The following CPEB3 variants were observed in gnomAD, a reference collection of about 807,000 sequenced individuals.
CPEB3 encodes the protein cytoplasmic polyadenylation element-binding protein 3.
Under a neutral mutation model 67.2 loss-of-function variants are expected in CPEB3, and 20 were observed. The ratio of observed to expected loss-of-function variants is 0.30; its 90% CI spans 0.21 to 0.43. The LOEUF (loss-of-function observed/expected upper bound fraction) is 0.43. CPEB3 is among the 20% of genes least tolerant of loss of function. The pLI, the probability that CPEB3 is intolerant of heterozygous loss-of-function variation, is 1.00. For synonymous variants in CPEB3, 376 were observed against 393.1 expected (o/e 0.96, Z 0.51); for missense variants, 746 against 968.6 (o/e 0.77, Z 3.05).
At chr10:92,264,774 G>C (rs990986841) in intron 1 of CPEB3, among the ~76,000 whole-genome samples, 1 of 151,704 alleles carries the variant, frequency 6.6e-6, no homozygotes, top group East Asian at 1.9e-4. Flanking sequence ...CTGGATGGCC[G>C]GGCACAATGT....
intron 2 of CPEB3, among the ~76,000 whole-genome samples, chr10:92,232,734 G>A (rs1008150551): frequency 4.0e-5 from 6 of 150,290 alleles, no homozygotes; most frequent in African/African-American, 1.2e-4. Context: ...TTCCAGCCTG[G>A]GTGACAGTGG....
chr10:92,071,400 G>A (rs985214630), intron 9 of CPEB3, among the ~76,000 whole-genome samples: 1 of 152,060 alleles, frequency 6.6e-6, no homozygotes, highest in Non-Finnish European at 1.5e-5. Flanking sequence ...GTTTTTGCTA[G>A]GCTAAGGGAT....
At position 92,127,715 on chromosome 10, in the gene CPEB3, C is replaced by A. The variant is rs1199911329; in HGVS notation, c.1453+15314G>T. On this transcript the variant is annotated intron_variant, in intron 6 of 9. Coordinates refer to ENST00000265997, the MANE Select transcript of CPEB3 (RefSeq NM_014912.5). ...ACAAAAAAGAAATGGGGGAAGAGGGCTTCAGAAAAAAGGAAGTACTAAGGC... is the reference window on the plus strand; with the variant it reads ...ACAAAAAAGAAATGGGGGAAGAGGGATTCAGAAAAAAGGAAGTACTAAGGC... Among the ~76,000 whole-genome samples, 6 of 152,136 alleles carry A rather than the reference C, an allele frequency of 3.9e-5. No homozygotes were observed. In the East Asian group the frequency reaches 1.2e-3, roughly 29 times the overall value.
intron 8 of CPEB3, among the ~76,000 whole-genome samples, chr10:92,090,141 C>T (rs1434653449): frequency 2.6e-5 from 4 of 152,076 alleles, no homozygotes; most frequent in Non-Finnish European, 5.9e-5. Context: ...CTTAGATAGA[C>T]ATAAGAAGTT....
intron 1 of CPEB3, among the ~76,000 whole-genome samples, chr10:92,244,981 TG>T (rs1307674016): frequency 1.3e-5 from 2 of 152,216 alleles, no homozygotes; most frequent in African/African-American, 4.8e-5. Flanking sequence ...AACTTGTAAC[TG>T]AAAATGTCAT....
intron 1 of CPEB3, among the ~76,000 whole-genome samples, chr10:92,248,914 T>C (rs1852178350): frequency 6.6e-6 from 1 of 152,176 alleles, no homozygotes; most frequent in African/African-American, 2.4e-5. Flanking sequence ...ATTAACAATA[T>C]TCCAGTCAAA....
chr10:92,197,758 T>C (rs1341140825), intron 2 of CPEB3, among the ~76,000 whole-genome samples: 1 of 152,232 alleles, frequency 6.6e-6, no homozygotes, highest in Non-Finnish European at 1.5e-5. Flanking sequence ...GTTCTAAGTA[T>C]GCTATATGCA....
At chr10:92,055,749 A>C (rs1352026476) in intron 9 of CPEB3, among the ~76,000 whole-genome samples, 1 of 152,192 alleles carries the variant, frequency 6.6e-6, no homozygotes, top group East Asian at 1.9e-4. Flanking sequence ...TATGGTGAAA[A>C]AAAAATTAGG....
intron 9 of CPEB3, among the ~76,000 whole-genome samples, chr10:92,074,399 C>T (rs1173849841): frequency 6.6e-6 from 1 of 152,220 alleles, no homozygotes; most frequent in Non-Finnish European, 1.5e-5. Flanking sequence ...TTTGTATCAT[C>T]TAACAGAGTA....
intron 3 of CPEB3, 40 bp from the exon 4 acceptor site, chr10:92,181,059 T>C (rs748177894): frequency 8.4e-6 from 9 of 1,066,558 alleles, no homozygotes; most frequent in African/African-American, 1.6e-5. Context: ...GAATGTTTAA[T>C]GTAATCATTT....
At chr10:92,260,212 T>C (rs948288488) in intron 1 of CPEB3, among the ~76,000 whole-genome samples, 1 of 152,168 alleles carries the variant, frequency 6.6e-6, no homozygotes, top group African/African-American at 2.4e-5. Context: ...TAATTCTGAA[T>C]ATCATTGATG....
chr10:92,181,070 C>A, intron 3 of CPEB3, 51 bp from the exon 4 acceptor site: 1 of 935,536 alleles, frequency 1.1e-6, no homozygotes, highest in Non-Finnish European at 1.7e-6. Flanking sequence ...GTAATCATTT[C>A]AAACACATCT....
chr10:92,285,087 T>C (rs1842465839), intron 1 of CPEB3, among the ~76,000 whole-genome samples: 3 of 152,170 alleles, frequency 2.0e-5, no homozygotes, highest in Admixed American at 2.0e-4. Context: ...ATGGTGAAAG[T>C]GCAAGACAGA....
intron 3 of CPEB3, among the ~76,000 whole-genome samples, chr10:92,182,889 A>G (rs1434095305): frequency 6.6e-6 from 1 of 151,930 alleles, no homozygotes; most frequent in Non-Finnish European, 1.5e-5. Context: ...CATCACTTAT[A>G]TTGGTGTGTA....
At chr10:92,240,726 C>T (rs1334110951) in intron 1 of CPEB3, among the ~76,000 whole-genome samples, 1 of 152,150 alleles carries the variant, frequency 6.6e-6, no homozygotes, top group Non-Finnish European at 1.5e-5. Flanking sequence ...ATTCTGGTTC[C>T]TGTTTTTTCC....
At chr10:92,230,259 T>TA (rs1851206070) in intron 2 of CPEB3, among the ~76,000 whole-genome samples, 1 of 152,190 alleles carries the variant, frequency 6.6e-6, no homozygotes, top group Non-Finnish European at 1.5e-5. Context: ...GACAGGGAGT[T>TA]ACTTGTTTTT....
chr10:92,216,261 C>T, intron 2 of CPEB3: 2 of 1,339,894 alleles, frequency 1.5e-6, no homozygotes, highest in East Asian at 2.5e-5. Flanking sequence ...CATGGTGAAA[C>T]CCCATCTCTA....
intron 6 of CPEB3, chr10:92,136,762 T>G (rs1452812676): frequency 6.6e-6 from 1 of 152,322 alleles, no homozygotes; most frequent in African/African-American, 2.4e-5. Flanking sequence ...GGTTTCACCA[T>G]GTTGGCCAGG....
At chr10:92,155,400 A>C (rs1336272720) in intron 4 of CPEB3, among the ~76,000 whole-genome samples, 1 of 152,202 alleles carries the variant, frequency 6.6e-6, no homozygotes, top group Non-Finnish European at 1.5e-5. Flanking sequence ...TGTTCACATG[A>C]AAAAATAAGC....
Sources: gnomAD v4.1 joint callset for allele counts (sites outside exome capture counted in the v4.1 genomes callset) on GRCh38, gnomAD v4.1.1 for gene constraint, MANE v1.5 for transcripts, NCBI Gene and HGNC (gene_info 2026-07-23, HGNC 2026-07-21) for gene names.